VPS13B: variants seen among roughly 807,000 people sequenced by gnomAD.
VPS13B encodes the protein intermembrane lipid transfer protein VPS13B.
In VPS13B, 285 loss-of-function variants were observed where a neutral mutation model predicts 426.4. The observed-to-expected ratio is 0.67, with a 90% CI of 0.61 to 0.74. The LOEUF (loss-of-function observed/expected upper bound fraction) is 0.74, where lower values mean the gene tolerates loss of function less well. VPS13B is among the 30% of genes least tolerant of loss of function. The pLI, the probability that VPS13B is intolerant of heterozygous loss-of-function variation, is 0.00. For missense variants in VPS13B, 4,537 were observed against 4,782.6 expected, an observed-to-expected ratio of 0.95 and a Z score of 1.51; for synonymous variants, 1,676 against 1,676.4, an observed-to-expected ratio of 1.00 and a Z score of 0.01.
chr8:99,041,134 ATTG>A (rs1348759528), intron 3 of VPS13B, among the ~76,000 whole-genome samples: 1 of 152,112 alleles, frequency 6.6e-6, no homozygotes, highest in Admixed American at 6.5e-5. Context: ...GGGTGACCGA[ATTG>A]TTGTGTTAGG....
At chr8:99,532,002 CA>C (rs1215518748) in intron 30 of VPS13B, among the ~76,000 whole-genome samples, 1 of 151,980 alleles carries the variant, frequency 6.6e-6, no homozygotes, top group African/African-American at 2.4e-5. Context: ...ATATTAAAAG[CA>C]GAGCTTTTTA....
At position 99,778,920 on chromosome 8, in the gene VPS13B, C is replaced by T. The variant is rs370903187; in HGVS notation, c.7668C>T (p.Ser2556=). 113 of 1,613,778 alleles carry T rather than the reference C, an allele frequency of 7.0e-5. No individual in the cohort carries two copies. The highest frequency in any genetic ancestry group is 2.5e-4 in the African/African-American group (19 of 74,890). Residue 2556 remains serine (S), a synonymous_variant, in exon 42 of 62, where the codon AGC becomes AGT. Transcript: ENST00000357162. The part of the protein sequence containing the change: ...FSIFGQMAVS[S]DVVEKLLDCT... ...TCTTCGGGCAGATGGCAGTTTCCAGCGATGTAGTGGAAAAGCTGCTTGACT... is the reference window on the plus strand; with the variant it reads ...TCTTCGGGCAGATGGCAGTTTCCAGTGATGTAGTGGAAAAGCTGCTTGACT...
intron 3 of VPS13B, among the ~76,000 whole-genome samples, chr8:99,066,275 A>C (rs1488172491): frequency 1.3e-5 from 2 of 152,240 alleles, no homozygotes; most frequent in Non-Finnish European, 2.9e-5. Flanking sequence ...CAGTAACCAA[A>C]ACAGCATGGT....
At position 99,250,806 on chromosome 8, in the gene VPS13B, C is replaced by T. The variant is rs140053660; in HGVS notation, c.2516-23392C>T. The stretch of plus-strand genomic sequence containing the variant: ...CTCAAGTGATCTTCCCACCTCAGAG[C>T]CTCCAGAGTAGCTGGGACTACATAA... On this transcript the variant is annotated intron_variant, in intron 17 of 61. Coordinates refer to ENST00000357162, the MANE Select transcript of VPS13B (RefSeq NM_152564.5). Among the ~76,000 whole-genome samples the T allele has an allele frequency of 4.0e-5, 6 of 148,958 alleles. No homozygotes were observed. In the East Asian group the frequency reaches 1.2e-3, roughly 30 times the overall value.
chr8:99,813,139 C>G (rs1399993863), intron 44 of VPS13B, among the ~76,000 whole-genome samples: 2 of 152,230 alleles, frequency 1.3e-5, no homozygotes, highest in African/African-American at 4.8e-5. Flanking sequence ...TGCAAGCACA[C>G]TACTCCACTG....
At chr8:99,303,539 A>C (rs1820482652) in intron 19 of VPS13B, among the ~76,000 whole-genome samples, 1 of 151,180 alleles carries the variant, frequency 6.6e-6, no homozygotes, top group Non-Finnish European at 1.5e-5. Flanking sequence ...CAAGATTTTG[A>C]AGCAACTGCA....
rs544382362 is a variant in VPS13B, at chr8:99,086,839, G to A, written c.292-9473G>A. Among the ~76,000 whole-genome samples the A allele has an allele frequency of 1.1e-4, 16 of 152,224 alleles. No homozygotes were observed. In the South Asian group the frequency reaches 1.5e-3, roughly 14 times the overall value. On this transcript the variant is annotated intron_variant, in intron 3 of 61. Coordinates refer to ENST00000357162, the MANE Select transcript of VPS13B (RefSeq NM_152564.5). ...GGAAGCTTTGTCTCAGAGGAGTACCGGGCTGTGTGAGGTGTCAGTCTGCCC... is the reference window on the plus strand; with the variant it reads ...GGAAGCTTTGTCTCAGAGGAGTACCAGGCTGTGTGAGGTGTCAGTCTGCCC...
At chr8:99,067,703 T>C (rs990922709) in intron 3 of VPS13B, among the ~76,000 whole-genome samples, 21 of 152,204 alleles carry the variant, frequency 1.4e-4, no homozygotes, top group African/African-American at 4.8e-4. Context: ...TCTATAAATA[T>C]TATGCTTGCT....
intron 32 of VPS13B, among the ~76,000 whole-genome samples, chr8:99,576,226 T>C (rs1194838164): frequency 6.6e-6 from 1 of 152,194 alleles, no homozygotes. Flanking sequence ...TTTTATATTA[T>C]TAGCTGCTAA....
intron 16 of VPS13B, among the ~76,000 whole-genome samples, chr8:99,180,757 AAGGGAGAT>A: frequency 6.6e-6 from 1 of 152,162 alleles, no homozygotes; most frequent in South Asian, 2.1e-4. Context: ...CAACATAGTA[AAGGGAGAT>A]AGATAAGAGA....
intron 56 of VPS13B, among the ~76,000 whole-genome samples, chr8:99,857,699 T>G (rs1816622207): frequency 6.6e-6 from 1 of 152,184 alleles, no homozygotes; most frequent in Admixed American, 6.5e-5. Context: ...AGTACCACCA[T>G]GTTGCATTCA....
intron 36 of VPS13B, among the ~76,000 whole-genome samples, chr8:99,713,872 G>A (rs1159173970): frequency 6.6e-6 from 1 of 152,216 alleles, no homozygotes; most frequent in East Asian, 1.9e-4. Context: ...AGGTGCAGTG[G>A]CTCACGCCTG....
intron 30 of VPS13B, among the ~76,000 whole-genome samples, chr8:99,544,077 T>C (rs1455231878): frequency 6.8e-6 from 1 of 147,062 alleles, no homozygotes; most frequent in South Asian, 2.3e-4. Flanking sequence ...TGTCCAACAA[T>C]GCTAGACTGG....
At chr8:99,346,624 T>C (rs1202757060) in intron 19 of VPS13B, 1 of 165,162 alleles carries the variant, frequency 6.1e-6, no homozygotes, top group East Asian at 1.6e-4. Flanking sequence ...TGTAAGGATA[T>C]GTGAATCTGT....
intron 40 of VPS13B, among the ~76,000 whole-genome samples, chr8:99,774,114 CA>C (rs1201227784): frequency 1.3e-5 from 2 of 152,058 alleles, no homozygotes; most frequent in Non-Finnish European, 2.9e-5. Context: ...TTAAGAATAT[CA>C]AAAACTATAA....
chr8:99,634,802 TTTTG>T (rs1829005258), intron 33 of VPS13B, among the ~76,000 whole-genome samples: 2 of 151,972 alleles, frequency 1.3e-5, no homozygotes, highest in South Asian at 4.1e-4. Context: ...TTTGATGTGT[TTTTG>T]TTTAATGTGC....
intron 17 of VPS13B, among the ~76,000 whole-genome samples, chr8:99,231,438 A>G (rs866927288): frequency 6.6e-6 from 1 of 152,312 alleles, no homozygotes; most frequent in South Asian, 2.1e-4. Context: ...CCCTAATGGC[A>G]CATACCCTAT....
At chr8:99,503,503 T>G (rs987620381) in intron 27 of VPS13B, among the ~76,000 whole-genome samples, 3 of 152,200 alleles carry the variant, frequency 2.0e-5, no homozygotes, top group Non-Finnish European at 4.4e-5. Context: ...CAACAGAACT[T>G]CTTTCAAAAT....
intron 19 of VPS13B, among the ~76,000 whole-genome samples, chr8:99,380,346 G>T (rs568270744): frequency 3.0e-4 from 46 of 152,170 alleles, no homozygotes; most frequent in African/African-American, 1.1e-3. Flanking sequence ...AGAAATATAT[G>T]TTAAATTGTA....
Sources: gnomAD v4.1 joint callset for allele counts (sites outside exome capture counted in the v4.1 genomes callset) on GRCh38, gnomAD v4.1.1 for gene constraint, MANE v1.5 for transcripts, NCBI Gene and HGNC (gene_info 2026-07-23, HGNC 2026-07-21) for gene names.